DAB1: variants seen among roughly 807,000 people sequenced by gnomAD.
DAB1 encodes DAB adaptor protein 1.
Under a neutral mutation model 64.6 loss-of-function variants are expected in DAB1, and 15 were observed. The ratio of observed to expected loss-of-function variants is 0.23; its 90% confidence interval spans 0.16 to 0.36. The LOEUF (loss-of-function observed/expected upper bound fraction) is 0.36. DAB1 is among the 10% of genes least tolerant of loss of function. The probability of loss-of-function intolerance (pLI) is 1.00; values close to 1 mark genes in which losing one functional copy is unlikely to be tolerated. For missense variants in DAB1, 596 were observed against 706.7 expected, an observed-to-expected ratio of 0.84 and a Z score of 1.78; for synonymous variants, 235 against 251.9, an observed-to-expected ratio of 0.93 and a Z score of 0.64.
intron 9 of DAB1, among the ~76,000 whole-genome samples, chr1:57,036,246 T>C (rs1647146471): frequency 6.6e-6 from 1 of 152,194 alleles, no homozygotes; most frequent in Non-Finnish European, 1.5e-5. Context: ...AGACCTCCCA[T>C]CCTTACTCCT....
At chr1:58,207,447 G>A (rs1383463804) in intron 4 of DAB1, among the ~76,000 whole-genome samples, 1 of 152,198 alleles carries the variant, frequency 6.6e-6, no homozygotes, top group Non-Finnish European at 1.5e-5. Context: ...TGCTCAGCAA[G>A]CAATGTGCTC....
chr1:57,327,559 G>C (rs2100785245), intron 1 of DAB1, among the ~76,000 whole-genome samples: 1 of 152,240 alleles, frequency 6.6e-6, no homozygotes, highest in Middle Eastern at 3.4e-3. Context: ...CCCCAAAATG[G>C]TTAGCTCTGC....
At chr1:57,855,845 G>T (rs1417887712) in intron 1 of DAB1, among the ~76,000 whole-genome samples, 2 of 152,152 alleles carry the variant, frequency 1.3e-5, no homozygotes, top group Non-Finnish European at 2.9e-5. Context: ...TACTTTGACT[G>T]CTCTGGAGAG....
chr1:57,045,338 C>T (rs528875908), intron 9 of DAB1, among the ~76,000 whole-genome samples: 6 of 152,178 alleles, frequency 3.9e-5, no homozygotes, highest in South Asian at 2.1e-4. Context: ...ACATCCTAGG[C>T]GACTGTGGAA....
intron 1 of DAB1, among the ~76,000 whole-genome samples, chr1:57,391,817 A>G (rs1244697750): frequency 6.6e-6 from 1 of 150,720 alleles, no homozygotes; most frequent in Non-Finnish European, 1.5e-5. Context: ...ACACACAGAG[A>G]GAGGAGAGAG....
intron 2 of DAB1, among the ~76,000 whole-genome samples, chr1:57,246,172 G>T (rs1668858033): frequency 6.6e-6 from 1 of 152,328 alleles, no homozygotes; most frequent in Middle Eastern, 3.4e-3. Flanking sequence ...TGTCTCCAGG[G>T]TATTTCAGAG....
At position 57,970,867 on chromosome 1, in the gene DAB1, T is replaced by C. The variant is rs6680948; in HGVS notation, n.388-86705A>G. Among the ~76,000 whole-genome samples the C allele has an allele frequency of 7.0e-3, 1,067 of 152,182 alleles. 10 individuals carry two copies. Among genetic ancestry groups the C allele is most frequent in the African/African-American group, 0.025 (1,028 of 41,526 alleles). On this transcript the variant is annotated intron_variant and non_coding_transcript_variant, in intron 5 of 20. Coordinates refer to the DAB1 transcript ENST00000485760. The stretch of plus-strand genomic sequence containing the variant: ...GCCTTCCAAGAAACCCACAATTTCC[T>C]ATGAGAGACAAAAAAAAACTTCATT...
chr1:57,386,381 A>C (rs1681849084), intron 1 of DAB1, among the ~76,000 whole-genome samples: 1 of 128,558 alleles, frequency 7.8e-6, no homozygotes, highest in African/African-American at 2.7e-5. Flanking sequence ...AAAAAAAAAA[A>C]AAAAAACCCG....
intron 2 of DAB1, among the ~76,000 whole-genome samples, chr1:57,249,148 C>T (rs2100511178): frequency 6.6e-6 from 1 of 152,060 alleles, no homozygotes; most frequent in South Asian, 2.1e-4. Flanking sequence ...TACGTTCTAG[C>T]CAAGGTAATA....
chr1:58,294,182 A>G (rs1661914595), intron 4 of DAB1, among the ~76,000 whole-genome samples: 1 of 152,126 alleles, frequency 6.6e-6, no homozygotes, highest in African/African-American at 2.4e-5. Flanking sequence ...ATCACTTTTC[A>G]TCAGACAGGA....
At chr1:57,394,432 C>CA in intron 1 of DAB1, among the ~76,000 whole-genome samples, 1 of 152,306 alleles carries the variant, frequency 6.6e-6, no homozygotes, top group East Asian at 1.9e-4. Flanking sequence ...CAAACCTTGA[C>CA]AAAATAGGTT....
rs112749655 is a variant in DAB1, at chr1:57,116,480, A to G, written c.306+20063T>C. ...CTGTCTCAAAAAAAAAAAAAAAAAA[A>G]AAAGAAAGAAAGCAGGTTGGGAGAA... On this transcript the variant is annotated intron_variant, in intron 4 of 14. Coordinates refer to ENST00000371236, the MANE Select transcript of DAB1 (RefSeq NM_001365792.1). 7.5e-4 allele frequency among the ~76,000 whole-genome samples: 98 copies of G among 131,312 alleles called. 1 individual carries two copies. Among genetic ancestry groups the G allele is most frequent in the African/African-American group, 2.1e-3 (75 of 36,518 alleles). The allele number at this position is 131,312 out of a possible 152,430, so 86.1% of individuals were successfully genotyped here.
At chr1:58,512,234 T>C (rs1646088206) in intron 2 of DAB1, among the ~76,000 whole-genome samples, 1 of 152,040 alleles carries the variant, frequency 6.6e-6, no homozygotes, top group South Asian at 2.1e-4. Flanking sequence ...TATCTATCAT[T>C]GAAAAAAAGA....
At chr1:57,626,120 A>C (rs1486578032) in intron 7 of DAB1, among the ~76,000 whole-genome samples, 3 of 152,136 alleles carry the variant, frequency 2.0e-5, no homozygotes, top group Non-Finnish European at 4.4e-5. Flanking sequence ...AGCAGTGACA[A>C]CTTGATTATT....
intron 5 of DAB1, among the ~76,000 whole-genome samples, chr1:58,050,304 G>A (rs1461124564): frequency 6.6e-6 from 1 of 152,188 alleles, no homozygotes; most frequent in Non-Finnish European, 1.5e-5. Flanking sequence ...TATTAAACAG[G>A]AGAGTAATAT....
In DAB1 at chr1:58,287,618, G is replaced by A. The variant is rs531191242; in HGVS notation, n.309+55734C>T. 3.0e-4 allele frequency among the ~76,000 whole-genome samples: 45 copies of A among 152,252 alleles called. 1 individual carries two copies. The highest frequency in any genetic ancestry group is 1.1e-3 in the African/African-American group (44 of 41,558). On this transcript the variant is annotated intron_variant and non_coding_transcript_variant, in intron 4 of 20. Coordinates refer to the DAB1 transcript ENST00000485760. The stretch of plus-strand genomic sequence containing the variant: ...GTTTTAAGAGCAACTGCCTCAAGGG[G>A]CCTAATCAGGAGATGCAAGGCTTTG...
At chr1:57,842,859 G>A (rs1319880780) in intron 1 of DAB1, among the ~76,000 whole-genome samples, 1 of 152,170 alleles carries the variant, frequency 6.6e-6, no homozygotes, top group Non-Finnish European at 1.5e-5. Flanking sequence ...TACCTTAAGT[G>A]TGCTCAGAAC....
intron 4 of DAB1, among the ~76,000 whole-genome samples, chr1:58,212,244 G>T (rs3850537): frequency 6.6e-6 from 1 of 152,044 alleles, no homozygotes; most frequent in African/African-American, 2.4e-5. Flanking sequence ...CACTAGGTGC[G>T]AAGTACTATA....
At chr1:57,943,923 C>T (rs1366032015) in intron 5 of DAB1, among the ~76,000 whole-genome samples, 1 of 152,104 alleles carries the variant, frequency 6.6e-6, no homozygotes, top group Non-Finnish European at 1.5e-5. Flanking sequence ...AAGGACTCAG[C>T]CTACTCCTGC....
Sources: allele counts gnomAD v4.1 joint callset (sites outside exome capture counted in the v4.1 genomes callset), GRCh38; gene constraint gnomAD v4.1.1; transcripts MANE v1.5; gene names NCBI Gene and HGNC (gene_info 2026-07-23, HGNC 2026-07-21).